TOB2: variants seen among roughly 807,000 people sequenced by gnomAD.
TOB2 encodes the protein transducer of ERBB2, 2, also known as protein Tob2.
Under a neutral mutation model 17.3 loss-of-function variants are expected in TOB2, and 3 were observed. The observed-to-expected ratio is 0.17, with a 90% CI of 0.08 to 0.45. TOB2 has a LOEUF of 0.45. Ranked by LOEUF, TOB2 falls within the 20% of genes least tolerant of loss-of-function variation. The pLI is 0.99. For missense variants in TOB2, 407 were observed against 445.7 expected (o/e 0.91, Z 0.78); for synonymous variants, 163 against 185.6 (o/e 0.88, Z 0.99).
At chr22:41,439,312 G>C (rs570432054) in intron 1 of TOB2, among the ~76,000 whole-genome samples, 1 of 152,274 alleles carries the variant, frequency 6.6e-6, no homozygotes, top group African/African-American at 2.4e-5. Context: ...TGAAAGACTT[G>C]GGGCTGGATT....
chr22:41,442,608 G>A (rs1024552806), intron 1 of TOB2, among the ~76,000 whole-genome samples: 2 of 152,280 alleles, frequency 1.3e-5, no homozygotes, highest in East Asian at 3.9e-4. Context: ...GCTGTGGGGT[G>A]GAACCTTACA....
intron 1 of TOB2, among the ~76,000 whole-genome samples, chr22:41,438,661 A>AAAAAAAAT (rs2037581649): frequency 1.4e-5 from 2 of 144,396 alleles, no homozygotes; most frequent in East Asian, 2.0e-4. Flanking sequence ...AAAAAAAAAA[A>AAAAAAAAT]GGAATAAGAC....
Position 41,436,419 on chromosome 22 carries a change from G to A in TOB2, c.927C>T (p.Ala309=). 1 of 1,614,150 alleles carries A rather than the reference G, an allele frequency of 6.2e-7. No individual in the cohort carries two copies. The highest frequency in any genetic ancestry group is 1.7e-5 in the Admixed American group (1 of 60,016). Residue 309 remains alanine, a synonymous_variant, in exon 2 of 2, where the codon GCC becomes GCT. Coordinates refer to ENST00000327492, the MANE Select transcript of TOB2 (RefSeq NM_016272.4). This position sits in a 1 kb window ranked among gnomAD's most constrained non-coding sequence, Gnocchi z 4.8. Reference sequence around the variant, plus strand: ...GTGTCTTCTCCAGGAAGAGGCTGTTGGCACCACCTCCAAATACCTGGGCCA... The same window carrying A: ...GTGTCTTCTCCAGGAAGAGGCTGTTAGCACCACCTCCAAATACCTGGGCCA... ...FDMAQVFGGG[A]NSLFLEKTPF...
intron 1 of TOB2, among the ~76,000 whole-genome samples, chr22:41,438,208 G>C (rs11705613): frequency 0.012 from 1,853 of 152,252 alleles, 16 homozygotes; most frequent in South Asian, 0.027. Context: ...AAGGGATACA[G>C]GTCACTGAAC....
At chr22:41,441,275 A>G (rs932292128) in intron 1 of TOB2, among the ~76,000 whole-genome samples, 2 of 150,420 alleles carry the variant, frequency 1.3e-5, no homozygotes, top group African/African-American at 4.9e-5. Flanking sequence ...AGATCGTGCC[A>G]TTGCACTCTA....
At chr22:41,437,948 CAAAAAAAAAAAA>C (rs35151486) in intron 1 of TOB2, among the ~76,000 whole-genome samples, 3 of 44,492 alleles carry the variant, frequency 6.7e-5, no homozygotes, top group African/African-American at 3.2e-4. Context: ...GACTCCATCT[CAAAAAAAAAAAA>C]AAAAAAAAAA....
intron 1 of TOB2, among the ~76,000 whole-genome samples, chr22:41,440,186 C>T (rs1327543692): frequency 2.6e-5 from 4 of 151,290 alleles, no homozygotes; most frequent in African/African-American, 7.3e-5. Context: ...GGCACGGTCT[C>T]GGCTCACTGC....
chr22:41,436,723 G>A lies in TOB2; in HGVS notation c.623C>T (p.Ala208Val), dbSNP rs573152910. Reference protein sequence around the residue: ...ASGGGVASSGAGGQQPPQQPR... With the variant: ...ASGGGVASSGVGGQQPPQQPR... ...CTGCTGTGGTGGCTGCTGGCCACCC[G>A]CCCCACTGCTGGCTACACCCCCACC... is the stretch of plus-strand genomic sequence containing the variant. Residue 208 changes from alanine (A) to valine (V), a missense_variant, in exon 2 of 2, where the codon GCG (alanine) becomes GTG (valine). Physicochemically the swap from Ala to Val is moderately conservative, Grantham distance 64. Transcript: ENST00000327492. The surrounding 1 kb of genome is among the most constrained non-coding windows in gnomAD (Gnocchi z 4.8). The A allele has an allele frequency of 2.0e-5, 33 of 1,612,984 alleles. No individual in the cohort carries two copies. The highest frequency in any genetic ancestry group is 4.5e-5 in the East Asian group (2 of 44,876).
Position 41,444,889 on chromosome 22 carries a change from C to T in TOB2, c.-63+1490G>A, listed in dbSNP as rs560920868. Among the ~76,000 whole-genome samples the T allele has an allele frequency of 2.6e-5, 4 of 152,226 alleles. No homozygotes were observed. The South Asian group carries it at 6.2e-4, about 24-fold the overall frequency. ...GATAAGGTCACGACCCCCTTCCCCC[C>T]ACCCAATCTGAATTCCAGGGCCTGG... On this transcript the variant is annotated intron_variant, in intron 1 of 1. Coordinates refer to ENST00000327492, the MANE Select transcript of TOB2 (RefSeq NM_016272.4).
chr22:41,443,329 TC>T (rs536633543), intron 1 of TOB2, among the ~76,000 whole-genome samples: 3 of 151,216 alleles, frequency 2.0e-5, no homozygotes, highest in East Asian at 3.9e-4. Flanking sequence ...AAGATTTTTT[TC>T]CCCCCCTCGA....
rs143698818 is a variant in TOB2, at chr22:41,437,270, C to T, written c.76G>A (p.Asp26Asn). The T allele has an allele frequency of 1.2e-6, 2 of 1,614,204 alleles. No homozygotes were observed. Among genetic ancestry groups the T allele is most frequent in the Non-Finnish European group, 1.7e-6 (2 of 1,180,042 alleles). The change falls in exon 2 of 2, where the codon GAC becomes AAC. Residue 26 changes from aspartate (D) to asparagine (N), a missense_variant. Asp to Asn is a conservative substitution (Grantham distance 23, BLOSUM62 1). Transcript: ENST00000327492. ...CGCTCTAGCTCCTCCCCAAACAGGT[C>T]TGCCCGGCGCCGGGGCAGCTTGTTG... ...LYNKLPRRRA[D>N]LFGEELERLL...
At chr22:41,445,990 C>CCCTT (rs547730355) in intron 1 of TOB2, among the ~76,000 whole-genome samples, 3 of 152,160 alleles carry the variant, frequency 2.0e-5, no homozygotes, top group Non-Finnish European at 4.4e-5. Context: ...GGCCTGGATC[C>CCCTT]CCTTCCTTCC....
rs1382508258 is a variant in TOB2, at chr22:41,434,320, C to T, written c.*1991G>A. The T allele has an allele frequency of 6.5e-6, 1 of 153,044 alleles. No individual in the cohort carries two copies. The highest frequency in any genetic ancestry group is 1.9e-4 in the East Asian group (1 of 5,232). 9.5% of individuals were successfully genotyped at this position (153,044 alleles called of 1,614,324 possible). A position where few individuals can be genotyped will look rare whatever the true frequency, so the allele number is the denominator to read the frequency against. ...CTCTCCCTACATGTGAGAAACAAGC[C>T]GACCTGGTGTGGGTGGGTGCCTGTG... On this transcript the variant is annotated 3_prime_UTR_variant, in exon 2 of 2. Coordinates refer to ENST00000327492, the MANE Select transcript of TOB2 (RefSeq NM_016272.4).
At chr22:41,438,629 T>A (rs1405298604) in intron 1 of TOB2, among the ~76,000 whole-genome samples, 1 of 1,870 alleles carries the variant, frequency 5.3e-4, no homozygotes, top group Non-Finnish European at 1.2e-3. Context: ...AAACTCTGTC[T>A]CAAAAAAAAA....
intron 1 of TOB2, among the ~76,000 whole-genome samples, chr22:41,442,297 T>C (rs1436992266): frequency 6.6e-6 from 1 of 152,200 alleles, no homozygotes; most frequent in Non-Finnish European, 1.5e-5. Context: ...AAAGGGTTTC[T>C]ACACCTTTCT....
rs2037515979 is a variant in TOB2, at chr22:41,433,971, A to C, written c.*2340T>G. ...GTTTCTCTCATCTTTTTAAGAAAAA[A>C]TCTTGAAAAGAAAAAAATTATGTTT... On this transcript the variant is annotated 3_prime_UTR_variant, in exon 2 of 2. Transcript: ENST00000327492. 4.2e-6 allele frequency: 1 copy of C among 237,582 alleles called. No individual in the cohort carries two copies. Among genetic ancestry groups the C allele is most frequent in the Non-Finnish European group, 8.7e-6 (1 of 115,564 alleles). 14.7% of individuals were successfully genotyped at this position (237,582 alleles called of 1,614,324 possible). A position where few individuals can be genotyped will look rare whatever the true frequency, so the allele number is the denominator to read the frequency against.
In TOB2 at chr22:41,436,347, G is replaced by A. The variant is rs1488381354; in HGVS notation, c.999C>T (p.Pro333=). The part of the protein sequence containing the change: ...LSYNLNTMQY[P]SQQFQPVVLA... ...GCACCACGGGCTGGAACTGCTGGCTGGGATACTGCATGGTGTTCAGGTTGT... is the reference window on the plus strand; with the variant it reads ...GCACCACGGGCTGGAACTGCTGGCTAGGATACTGCATGGTGTTCAGGTTGT... Residue 333 remains proline, a synonymous_variant, in exon 2 of 2, where the codon CCC becomes CCT. Transcript: ENST00000327492. The surrounding 1 kb of genome is among the most constrained non-coding windows in gnomAD (Gnocchi z 4.8). The A allele has an allele frequency of 1.2e-6, 2 of 1,600,860 alleles. No individual in the cohort carries two copies. Among genetic ancestry groups the A allele is most frequent in the Non-Finnish European group, 1.7e-6 (2 of 1,172,936 alleles).
At position 41,436,611 on chromosome 22, in the gene TOB2, G is replaced by A. The variant is rs1327467994; in HGVS notation, c.735C>T (p.Ala245=). 1 of 1,613,344 alleles carries A rather than the reference G, an allele frequency of 6.2e-7. No homozygotes were observed. Among genetic ancestry groups the A allele is most frequent in the Non-Finnish European group, 8.5e-7 (1 of 1,179,710 alleles). ...LSMHSLNFIT[A]NPAPQSQLSP... is the part of the protein sequence containing the mutation. ...AGAGCTGGGACTGAGGGGCCGGGTT[G>A]GCCGTGATGAAGTTCAGTGAATGCA... Residue 245 remains alanine (A), a synonymous_variant, in exon 2 of 2, where the codon GCC becomes GCT. Coordinates refer to ENST00000327492, the MANE Select transcript of TOB2 (RefSeq NM_016272.4). The surrounding 1 kb of genome is among the most constrained non-coding windows in gnomAD (Gnocchi z 4.8).
intron 1 of TOB2, among the ~76,000 whole-genome samples, chr22:41,446,060 G>A (rs1171163820): frequency 6.6e-6 from 1 of 152,274 alleles, no homozygotes; most frequent in Non-Finnish European, 1.5e-5. Context: ...AAGATCTAGC[G>A]AGTAGCTAGG....
Sources: gnomAD v4.1 joint callset for allele counts (sites outside exome capture counted in the v4.1 genomes callset) on GRCh38, gnomAD v4.1.1 for gene constraint, Gnocchi (gnomAD v3.1) non-coding constraint, MANE v1.5 for transcripts, NCBI Gene and HGNC (gene_info 2026-07-23, HGNC 2026-07-21) for gene names.